NUDCD1: variants seen among roughly 807,000 people sequenced by gnomAD.
NUDCD1 encodes nudC domain-containing protein 1.
A neutral mutation model predicts 67.8 loss-of-function variants in NUDCD1; 60 were observed. That is an observed-to-expected ratio of 0.88 (90% CI 0.72 to 1.10). The LOEUF is 1.10. NUDCD1 is among the 50% of genes least tolerant of loss of function. The pLI is 0.00. For synonymous variants in NUDCD1, 244 were observed against 230.8 expected (o/e 1.06, Z -0.52); for missense variants, 643 against 695.0 (o/e 0.93, Z 0.84).
rs747645987 is a variant in NUDCD1, at chr8:109,293,338, T to C, written c.640+6A>G. 5.3e-6 allele frequency: 8 copies of C among 1,513,396 alleles called. No homozygotes were observed. In the Admixed American group the frequency reaches 8.6e-5, roughly 16 times the overall value. 93.7% of individuals were successfully genotyped at this position (1,513,396 alleles called of 1,614,324 possible). On this transcript the variant is annotated splice_donor_region_variant and intron_variant, in intron 4 of 9. Transcript: ENST00000239690. ...CAGTAGAGACAGATTCAGACTTTTGTTTTACCTTGATTTTTCTTACTGATA... is the reference window on the plus strand; with the variant it reads ...CAGTAGAGACAGATTCAGACTTTTGCTTTACCTTGATTTTTCTTACTGATA...
At chr8:109,292,583 G>A (rs1250255927) in intron 4 of NUDCD1, among the ~76,000 whole-genome samples, 3 of 152,024 alleles carry the variant, frequency 2.0e-5, no homozygotes, top group African/African-American at 7.2e-5. Flanking sequence ...ACTCATAAAT[G>A]AGTCAGCTAA....
intron 2 of NUDCD1, among the ~76,000 whole-genome samples, chr8:109,319,373 G>A (rs991472095): frequency 1.3e-5 from 2 of 152,168 alleles, no homozygotes; most frequent in African/African-American, 4.8e-5. Flanking sequence ...GCAAAAGCGA[G>A]CAACAAGAGA....
chr8:109,285,967 A>G (rs1003056970), intron 5 of NUDCD1, among the ~76,000 whole-genome samples: 1 of 152,112 alleles, frequency 6.6e-6, no homozygotes, highest in African/African-American at 2.4e-5. Flanking sequence ...TACAAAATCA[A>G]TGTATGAAAA....
intron 1 of NUDCD1, among the ~76,000 whole-genome samples, chr8:109,323,186 C>T (rs567257619): frequency 2.3e-4 from 35 of 152,256 alleles, no homozygotes; most frequent in African/African-American, 7.9e-4. Context: ...TTAATTTCTG[C>T]CCCAGCAGGA....
intron 7 of NUDCD1, among the ~76,000 whole-genome samples, chr8:109,273,999 TG>T (rs1294551181): frequency 2.0e-5 from 3 of 152,114 alleles, no homozygotes; most frequent in Non-Finnish European, 4.4e-5. Flanking sequence ...ATCCCACCAA[TG>T]CAGAAAATTC....
chr8:109,269,850 C>T (rs955038559), intron 8 of NUDCD1, among the ~76,000 whole-genome samples: 10 of 150,796 alleles, frequency 6.6e-5, no homozygotes, highest in Non-Finnish European at 1.5e-4. Flanking sequence ...GCTGAGACAC[C>T]CTGCTCACAT....
intron 2 of NUDCD1, among the ~76,000 whole-genome samples, chr8:109,318,248 A>C (rs1815449237): frequency 6.6e-6 from 1 of 152,232 alleles, no homozygotes; most frequent in African/African-American, 2.4e-5. Context: ...ATGAATATGG[A>C]TGGTACTACA....
At chr8:109,309,622 G>C (rs990545428) in intron 2 of NUDCD1, among the ~76,000 whole-genome samples, 2 of 152,088 alleles carry the variant, frequency 1.3e-5, no homozygotes, top group Non-Finnish European at 2.9e-5. Context: ...CAATCAAAGA[G>C]AAAGAAATAA....
rs550263887 is a variant in NUDCD1 at position 109,322,475 on chromosome 8, G to C, written c.119-12C>G. 2 of 1,571,420 alleles carry C rather than the reference G, an allele frequency of 1.3e-6. No homozygotes were observed. Among genetic ancestry groups the C allele is most frequent in the Admixed American group, 1.7e-5 (1 of 58,528 alleles). ...TACCTCTGCCACAGCTGAAATACAA[G>C]AAAAGCAAACATAAACATCAAGAGT... is the stretch of plus-strand genomic sequence containing the variant. On this transcript the variant is annotated splice_polypyrimidine_tract_variant and intron_variant, in intron 1 of 9. Transcript: ENST00000239690.
At chr8:109,300,318 A>C (rs1814955189) in intron 2 of NUDCD1, among the ~76,000 whole-genome samples, 1 of 142,490 alleles carries the variant, frequency 7.0e-6, no homozygotes. Context: ...GGCATCAGAG[A>C]AAGGCAAAGC....
chr8:109,313,504 T>C (rs186157896), intron 2 of NUDCD1, among the ~76,000 whole-genome samples: 3 of 152,188 alleles, frequency 2.0e-5, no homozygotes, highest in East Asian at 3.9e-4. Context: ...GTCGGGGAGA[T>C]CAGGAGTATG....
chr8:109,280,931 GATAAT>G (rs747174102), intron 6 of NUDCD1, 32 bp downstream of exon 6: 1 of 1,000,012 alleles, frequency 1.0e-6, no homozygotes, highest in South Asian at 1.8e-5. Context: ...AAGAAAAAAA[GATAAT>G]AGAATATTAA....
rs150126938 is a variant in NUDCD1, at chr8:109,306,202, C to A, written c.274-9633G>T. Among the ~76,000 whole-genome samples, 939 of 152,246 alleles carry A rather than the reference C, an allele frequency of 6.2e-3. 8 individuals carry two copies. Among genetic ancestry groups the A allele is most frequent in the African/African-American group, 0.021 (867 of 41,524 alleles). The stretch of plus-strand genomic sequence containing the variant: ...TAGTGGATATCCTCTGGTACTAGCC[C>A]CAATCCACCACTCTTGACTCCCTCT... On this transcript the variant is annotated intron_variant, in intron 2 of 9. Coordinates refer to ENST00000239690, the MANE Select transcript of NUDCD1 (RefSeq NM_032869.4).
At chr8:109,261,626 A>G (rs1813864813) in intron 8 of NUDCD1, among the ~76,000 whole-genome samples, 1 of 145,022 alleles carries the variant, frequency 6.9e-6, no homozygotes, top group Non-Finnish European at 1.5e-5. Context: ...CAAGAGGAAA[A>G]AGGCGTAAGG....
intron 8 of NUDCD1, among the ~76,000 whole-genome samples, chr8:109,270,328 G>T (rs1239829171): frequency 1.3e-5 from 2 of 148,504 alleles, no homozygotes; most frequent in Non-Finnish European, 3.0e-5. Context: ...TAACTTGACA[G>T]TAAAAAAAAA....
intron 7 of NUDCD1, 53 bp downstream of exon 7, chr8:109,275,299 C>G (rs1380689338): frequency 6.5e-7 from 1 of 1,539,168 alleles, no homozygotes; most frequent in Non-Finnish European, 8.8e-7. Flanking sequence ...ATAATCTTCA[C>G]ATAACATATT....
At chr8:109,287,486 C>A (rs1319254096) in intron 5 of NUDCD1, among the ~76,000 whole-genome samples, 4 of 152,098 alleles carry the variant, frequency 2.6e-5, no homozygotes, top group Admixed American at 1.3e-4. Context: ...ATGTCCTTTG[C>A]AGCAACATGA....
chr8:109,295,484 C>G (rs1449492847), intron 3 of NUDCD1, among the ~76,000 whole-genome samples: 2 of 152,136 alleles, frequency 1.3e-5, no homozygotes, highest in African/African-American at 4.8e-5. Context: ...TGGTTATTTA[C>G]TGTGTATTTT....
intron 6 of NUDCD1, among the ~76,000 whole-genome samples, chr8:109,279,776 C>T (rs1367925595): frequency 1.3e-5 from 2 of 152,078 alleles, no homozygotes; most frequent in South Asian, 2.1e-4. Context: ...GGATTACAGG[C>T]ACCCGCCACC....
Sources: allele counts gnomAD v4.1 joint callset (sites outside exome capture counted in the v4.1 genomes callset), GRCh38; gene constraint gnomAD v4.1.1; transcripts MANE v1.5; gene names NCBI Gene and HGNC (gene_info 2026-07-23, HGNC 2026-07-21).